The following RBAK variants were observed in gnomAD, a reference collection of about 807,000 sequenced individuals.
RBAK encodes RB-associated KRAB zinc finger protein.
A neutral mutation model predicts 65.8 loss-of-function variants in RBAK; 39 were observed. The ratio of observed to expected loss-of-function variants is 0.59; its 90% CI spans 0.46 to 0.77. The LOEUF (loss-of-function observed/expected upper bound fraction) is 0.77. Ranked by LOEUF, RBAK falls within the 30% of genes least tolerant of loss-of-function variation. The pLI is 0.00. For synonymous variants in RBAK, 343 were observed against 289.7 expected, an observed-to-expected ratio of 1.18 and a Z score of -1.87; for missense variants, 884 against 855.1, an observed-to-expected ratio of 1.03 and a Z score of -0.42.
Position 5,069,240 on chromosome 7 carries a change from A to T in RBAK, c.*3639A>T, listed in dbSNP as rs570161686. The T allele has an allele frequency of 4.6e-5, 7 of 152,362 alleles. No homozygotes were observed. The East Asian group carries it at 1.3e-3, about 29-fold the overall frequency. The allele number at this position is 152,362 out of a possible 1,614,324, so 9.4% of individuals were successfully genotyped here. A position where few individuals can be genotyped will look rare whatever the true frequency, so the allele number is the denominator to read the frequency against. On this transcript the variant is annotated 3_prime_UTR_variant, in exon 5 of 5. Transcript: ENST00000396912. ...GATGTGTATGAATATGCTGCACAAC[A>T]GGAATTAAATGGCAGATTTTGCATA...
rs756810934 is a variant in RBAK at position 5,046,393 on chromosome 7, A to G, written c.-48A>G. The G allele has an allele frequency of 1.9e-6, 1 of 515,704 alleles. No homozygotes were observed. 31.9% of individuals were successfully genotyped at this position (515,704 alleles called of 1,614,324 possible). On this transcript the variant is annotated 5_prime_UTR_variant, in exon 1 of 5. Transcript: ENST00000396912. ...TGGGGCAGAGGCTGCGGAGCCCCAGAAGGGTAGGTCTTGGGTTTTCGGGCC... is the reference window on the plus strand; with the variant it reads ...TGGGGCAGAGGCTGCGGAGCCCCAGGAGGGTAGGTCTTGGGTTTTCGGGCC...
intron 3 of RBAK, 108 bp downstream of exon 3, chr7:5,057,529 G>A: frequency 1.2e-6 from 2 of 1,603,636 alleles, no homozygotes; most frequent in Non-Finnish European, 1.7e-6. Flanking sequence ...ACTAGCTGGA[G>A]TGTTTATATT....
chr7:5,065,398 G>A lies in RBAK; in HGVS notation c.1942G>A (p.Glu648Lys). 6.2e-7 allele frequency: 1 copy of A among 1,613,922 alleles called. No individual in the cohort carries two copies. The highest frequency in any genetic ancestry group is 8.5e-7 in the Non-Finnish European group (1 of 1,179,884). The change falls in exon 5 of 5, where the codon GAG (glutamate) becomes AAG (lysine). Residue 648 changes from glutamate (E) to lysine (K), a missense_variant. By Grantham distance (56) the Glu-to-Lys change is moderately conservative. Transcript: ENST00000396912. This position sits in a 1 kb window ranked among gnomAD's most constrained non-coding sequence, Gnocchi z 5.3. ...TGTCCACTACAGAAGCCATTCAGGA[G>A]AGAAACCCTATGAATGTAATGAATG... ...LTVHYRSHSG[E>K]KPYECNECGK... is the part of the protein sequence containing the mutation.
In RBAK at chr7:5,057,340, G is replaced by A; in HGVS notation, c.61G>A (p.Glu21Lys). Residue 21 changes from glutamate (E) to lysine (K), a missense_variant, in exon 3 of 5, where the codon GAG becomes AAG. By Grantham distance (56) the Glu-to-Lys change is moderately conservative (BLOSUM62 1). Transcript: ENST00000396912. ...TGTGGCTGTGGATTTCACCCAGGAGGAGTGGCAGCAGCTGGACCCTGATGA... is the reference window on the plus strand; with the variant it reads ...TGTGGCTGTGGATTTCACCCAGGAGAAGTGGCAGCAGCTGGACCCTGATGA... ...KDVAVDFTQE[E>K]WQQLDPDEKI... 1 of 1,614,040 alleles carries A rather than the reference G, an allele frequency of 6.2e-7. No homozygotes were observed. The highest frequency in any genetic ancestry group is 8.5e-7 in the Non-Finnish European group (1 of 1,180,004).
chr7:5,047,198 G>A (rs1382140214), intron 1 of RBAK, among the ~76,000 whole-genome samples: 2 of 152,162 alleles, frequency 1.3e-5, no homozygotes, highest in African/African-American at 2.4e-5. Flanking sequence ...CCAGGAGTTA[G>A]AGACCAGCCT....
At chr7:5,058,905 C>T (rs545615290) in intron 4 of RBAK, among the ~76,000 whole-genome samples, 2 of 152,278 alleles carry the variant, frequency 1.3e-5, no homozygotes, top group East Asian at 1.9e-4. Context: ...TGCAGCTTGC[C>T]TCCAAATTGA....
rs1376097637 is a variant in RBAK at position 5,045,901 on chromosome 7, C to G, written c.-540C>G. On this transcript the variant is annotated 5_prime_UTR_variant, in exon 1 of 5. Transcript: ENST00000396912. ...GTGCGTCCTCAGGTCACCGCTTGCT[C>G]TAGTTCCCAGGCTTTGGCCTCCAGT... The G allele has an allele frequency of 2.9e-6, 1 of 348,442 alleles. No individual in the cohort carries two copies. The highest frequency in any genetic ancestry group is 2.3e-5 in the African/African-American group (1 of 43,100). 21.6% of individuals were successfully genotyped at this position (348,442 alleles called of 1,614,324 possible).
At position 5,046,186 on chromosome 7, in the gene RBAK, C is replaced by A. The variant is rs1201195316; in HGVS notation, c.-255C>A. The A allele has an allele frequency of 4.3e-6, 2 of 465,402 alleles. No individual in the cohort carries two copies. The highest frequency in any genetic ancestry group is 4.0e-5 in the African/African-American group (2 of 50,596). The allele number at this position is 465,402 out of a possible 1,614,324, so 28.8% of individuals were successfully genotyped here. On this transcript the variant is annotated 5_prime_UTR_variant, in exon 1 of 5. In the 5' UTR this introduces an upstream ATG that the reference lacks. Coordinates refer to ENST00000396912, the MANE Select transcript of RBAK (RefSeq NM_021163.4). ...CCTGGCGGCCTGGCCCAGGCTGCCG[C>A]TGTACGGTGAGCCCGAGGGAGGCGG...
rs556053004 is a variant in RBAK at position 5,052,999 on chromosome 7, A to T, written c.16-4296A>T. 2.0e-5 allele frequency among the ~76,000 whole-genome samples: 3 copies of T among 152,260 alleles called. No individual in the cohort carries two copies. The East Asian group carries it at 5.8e-4, about 29-fold the overall frequency. On this transcript the variant is annotated intron_variant, in intron 2 of 4. Coordinates refer to ENST00000396912, the MANE Select transcript of RBAK (RefSeq NM_021163.4). Reference sequence around the variant, plus strand: ...GGTCTCAAACTCCTGACCTCAGGTGACCTGTCTGCCTCAGCCTCCCAAAGT... The same window carrying T: ...GGTCTCAAACTCCTGACCTCAGGTGTCCTGTCTGCCTCAGCCTCCCAAAGT...
chr7:5,063,504 TGTGTGTGTG>T (rs1192388984), intron 4 of RBAK, among the ~76,000 whole-genome samples, 182 bp from the exon 5 acceptor site: 11 of 152,182 alleles, frequency 7.2e-5, no homozygotes, highest in Non-Finnish European at 1.5e-4. Context: ...TGTGTGTGTG[TGTGTGTGTG>T]TTTCTGTTTT....
At position 5,064,944 on chromosome 7, in the gene RBAK, G is replaced by A. The variant is rs377673260; in HGVS notation, c.1488G>A (p.Leu496=). 2 of 1,613,800 alleles carry A rather than the reference G, an allele frequency of 1.2e-6. No homozygotes were observed. Among genetic ancestry groups the A allele is most frequent in the Admixed American group, 1.7e-5 (1 of 59,986 alleles). The change falls in exon 5 of 5, where the codon TTG becomes TTA. Residue 496 remains leucine (L), a synonymous_variant. Coordinates refer to ENST00000396912, the MANE Select transcript of RBAK (RefSeq NM_021163.4). The surrounding 1 kb of genome is among the most constrained non-coding windows in gnomAD (Gnocchi z 6.3). ...ECSECGKFSQ[L]YLTDHHTAHL... ...GTGAATGTGGAAAGTTCTCTCAGTT[G>A]TATCTCACCGACCATCATACAGCTC...
At chr7:5,059,584 T>C (rs541436859) in intron 4 of RBAK, among the ~76,000 whole-genome samples, 2 of 152,350 alleles carry the variant, frequency 1.3e-5, no homozygotes, top group East Asian at 1.9e-4. Flanking sequence ...GTATTTGCAT[T>C]GTTGAGCAAT....
chr7:5,055,797 A>G (rs1788215937), intron 2 of RBAK, among the ~76,000 whole-genome samples: 1 of 150,860 alleles, frequency 6.6e-6, no homozygotes, highest in Admixed American at 6.6e-5. Context: ...TCTCTCGGTG[A>G]TTTTATCAGC....
chr7:5,064,598 CCTT>C lies in RBAK; in HGVS notation c.1145_1147del (p.Phe382del). On this transcript the variant is annotated inframe_deletion, in exon 5 of 5. Transcript: ENST00000396912. The surrounding 1 kb of genome is among the most constrained non-coding windows in gnomAD (Gnocchi z 6.3). ...TATCCATGTAACGAATGTGGGAAAT[CCTT>C]CTCCCGCAAGTCTGCTCTCAGTGAC... 1 of 1,613,946 alleles carries C rather than the reference CCTT, an allele frequency of 6.2e-7. No individual in the cohort carries two copies. Among genetic ancestry groups the C allele is most frequent in the Non-Finnish European group, 8.5e-7 (1 of 1,179,962 alleles).
chr7:5,049,857 A>G (rs1317924981), intron 2 of RBAK, among the ~76,000 whole-genome samples: 3 of 151,982 alleles, frequency 2.0e-5, no homozygotes, highest in African/African-American at 7.2e-5. Flanking sequence ...CTGCATAGCT[A>G]CAGGCGCAAG....
At chr7:5,060,742 T>C (rs1562538202) in intron 4 of RBAK, among the ~76,000 whole-genome samples, 2 of 152,264 alleles carry the variant, frequency 1.3e-5, no homozygotes, top group Non-Finnish European at 2.9e-5. Flanking sequence ...GAATGCTAGC[T>C]TGGATATATA....
At chr7:5,046,559 A>T (rs1387404775) in intron 1 of RBAK, among the ~76,000 whole-genome samples, 163 bp downstream of exon 1, 7 of 152,198 alleles carry the variant, frequency 4.6e-5, no homozygotes, top group Non-Finnish European at 8.8e-5. Context: ...CAGGCGCTGC[A>T]TGGGAAATCT....
intron 1 of RBAK, among the ~76,000 whole-genome samples, chr7:5,046,599 G>A (rs1267694208): frequency 1.3e-5 from 2 of 152,124 alleles, no homozygotes; most frequent in African/African-American, 4.8e-5. Context: ...GGGCCTGGAG[G>A]GTGTCACCAG....
rs775174681 is a variant in RBAK at position 5,064,612 on chromosome 7, T to C, written c.1156T>C (p.Ser386Pro). ...NECGKSFSRK[S>P]ALSDHQRTHT... ...ATGTGGGAAATCCTTCTCCCGCAAG[T>C]CTGCTCTCAGTGACCATCAGAGAAC... The change falls in exon 5 of 5, where the codon TCT becomes CCT. Residue 386 changes from serine (S) to proline (P), a missense_variant. Transcript: ENST00000396912. The surrounding 1 kb of genome is among the most constrained non-coding windows in gnomAD (Gnocchi z 6.3). 4 of 1,613,890 alleles carry C rather than the reference T, an allele frequency of 2.5e-6. No individual in the cohort carries two copies. The South Asian group carries it at 4.4e-5, about 18-fold the overall frequency.
Sources: allele counts gnomAD v4.1 joint callset (sites outside exome capture counted in the v4.1 genomes callset), GRCh38; gene constraint gnomAD v4.1.1; non-coding constraint Gnocchi (gnomAD v3.1); transcripts MANE v1.5; gene names NCBI Gene and HGNC (gene_info 2026-07-23, HGNC 2026-07-21).